YWHAE: variants seen among roughly 807,000 people sequenced by gnomAD.
YWHAE encodes tyrosine 3-monooxygenase/tryptophan 5-monooxygenase activation protein epsilon, also known as 14-3-3 protein epsilon.
YWHAE carries 4 observed loss-of-function variants against 30.1 expected under a neutral mutation model. The observed-to-expected ratio is 0.13, with a 90% CI of 0.07 to 0.30. The LOEUF (loss-of-function observed/expected upper bound fraction) is 0.30. Among genes scored for constraint, YWHAE ranks in the 10% least tolerant of loss-of-function variants. The pLI, the probability that YWHAE is intolerant of heterozygous loss-of-function variation, is 1.00. For missense variants in YWHAE, 121 were observed against 315.9 expected (o/e 0.38, Z 4.68); for synonymous variants, 118 against 111.8 (o/e 1.06, Z -0.35).
Position 1,345,290 on chromosome 17 carries a change from A to AAAC in YWHAE, c.*156_*157insGTT. 1 of 200,750 alleles carries AAAC rather than the reference A, an allele frequency of 5.0e-6. No individual in the cohort carries two copies. The highest frequency in any genetic ancestry group is 7.1e-5 in the South Asian group (1 of 14,076). The allele number at this position is 200,750 out of a possible 1,614,324, so 12.4% of individuals were successfully genotyped here. On this transcript the variant is annotated 3_prime_UTR_variant, in exon 6 of 6. Coordinates refer to ENST00000264335, the MANE Select transcript of YWHAE (RefSeq NM_006761.5). ...CTTTAAGAACTTTTGAAAACTGTTT[A>AAAC]AAAAAAAAAAAAAAAAACCAACAGG...
At chr17:1,394,787 T>G (rs935244154) in intron 1 of YWHAE, among the ~76,000 whole-genome samples, 12 of 150,528 alleles carry the variant, frequency 8.0e-5, no homozygotes, top group Non-Finnish European at 1.6e-4. Context: ...GCAAACATGG[T>G]GAAACCCCAT....
At chr17:1,356,441 G>C (rs1429587866) in intron 4 of YWHAE, among the ~76,000 whole-genome samples, 1 of 152,172 alleles carries the variant, frequency 6.6e-6, no homozygotes, top group African/African-American at 2.4e-5. Flanking sequence ...TAAAGGGAAA[G>C]TCAAATTTGA....
chr17:1,369,631 C>T (rs1177295983), intron 1 of YWHAE: 1 of 152,146 alleles, frequency 6.6e-6, no homozygotes, highest in East Asian at 1.9e-4. Flanking sequence ...TGTACCCGAA[C>T]CCCAGCCCGG....
At chr17:1,355,372 G>A (rs2072723887) in intron 4 of YWHAE, among the ~76,000 whole-genome samples, 1 of 151,322 alleles carries the variant, frequency 6.6e-6, no homozygotes. Context: ...TGTTAGCCAG[G>A]ATGGTCTTGA....
chr17:1,379,855 G>A (rs2073178066), intron 1 of YWHAE, among the ~76,000 whole-genome samples: 2 of 152,178 alleles, frequency 1.3e-5, no homozygotes, highest in African/African-American at 4.8e-5. Context: ...TGGTTGACAT[G>A]TAAATTATAC....
chr17:1,355,147 A>AAAAAAAAAAAAAAAAAT, intron 4 of YWHAE, among the ~76,000 whole-genome samples: 1 of 108,404 alleles, frequency 9.2e-6, no homozygotes, highest in Non-Finnish European at 1.8e-5. Context: ...AAAAAAAAAA[A>AAAAAAAAAAAAAAAAAT]ATTTTTTTTT....
intron 4 of YWHAE, among the ~76,000 whole-genome samples, chr17:1,355,944 G>A (rs527343286): frequency 3.3e-5 from 5 of 152,078 alleles, no homozygotes; most frequent in East Asian, 1.9e-4. Flanking sequence ...AGAAGCGGGC[G>A]GATCACGTGG....
rs11266764 is a variant in YWHAE, at chr17:1,364,991, G to A, written c.132C>T (p.Leu44=). Reference sequence around the variant, plus strand: ...TCACATTCTTATATGCAACAGATAGGAGGTTTCTTTCTTCAACTGTCAGCT... The same window carrying A: ...TCACATTCTTATATGCAACAGATAGAAGGTTTCTTTCTTCAACTGTCAGCT... ...DVELTVEERN[L]LSVAYKNVIG... The change falls in exon 2 of 6, where the codon CTC becomes CTT. Residue 44 remains leucine, a synonymous_variant. Transcript: ENST00000264335. 4.3e-6 allele frequency: 7 copies of A among 1,613,998 alleles called. No homozygotes were observed. The African/African-American group carries it at 6.7e-5, about 15-fold the overall frequency.
chr17:1,357,366 G>A (rs2072767123), intron 4 of YWHAE, among the ~76,000 whole-genome samples: 1 of 140,498 alleles, frequency 7.1e-6, no homozygotes, highest in Admixed American at 7.5e-5. Context: ...TCGCGCTACT[G>A]CACTCCAGCC....
intron 5 of YWHAE, among the ~76,000 whole-genome samples, chr17:1,345,966 A>T (rs747974616): frequency 2.6e-5 from 4 of 152,228 alleles, no homozygotes; most frequent in Non-Finnish European, 4.4e-5. Flanking sequence ...ACTGTTGCCA[A>T]GAAGTTCTAT....
At chr17:1,349,586 T>G (rs1049523695) in intron 5 of YWHAE, among the ~76,000 whole-genome samples, 1 of 151,828 alleles carries the variant, frequency 6.6e-6, no homozygotes, top group Non-Finnish European at 1.5e-5. Flanking sequence ...ACAGACTCAA[T>G]AAGGAATTGA....
intron 4 of YWHAE, among the ~76,000 whole-genome samples, chr17:1,354,750 C>T (rs193038198): frequency 2.0e-5 from 3 of 152,002 alleles, no homozygotes; most frequent in Admixed American, 2.0e-4. Context: ...GCAAGCTTCG[C>T]CTCTCAGGTT....
At chr17:1,388,175 C>T (rs2073335983) in intron 1 of YWHAE, among the ~76,000 whole-genome samples, 1 of 117,228 alleles carries the variant, frequency 8.5e-6, no homozygotes, top group Admixed American at 1.1e-4. Flanking sequence ...GTTGGTCAGG[C>T]TTGTCTCGAA....
At chr17:1,379,734 TGAAG>T (rs1567976665) in intron 1 of YWHAE, among the ~76,000 whole-genome samples, 1 of 152,176 alleles carries the variant, frequency 6.6e-6, no homozygotes, top group Non-Finnish European at 1.5e-5. Context: ...CGATGAGTTA[TGAAG>T]GAAGGAGTAC....
At chr17:1,384,502 T>G (rs186303889) in intron 1 of YWHAE, among the ~76,000 whole-genome samples, 1 of 145,674 alleles carries the variant, frequency 6.9e-6, no homozygotes, top group Non-Finnish European at 1.5e-5. Flanking sequence ...CCATCCTGGC[T>G]AACACGGTGA....
intron 1 of YWHAE, among the ~76,000 whole-genome samples, chr17:1,390,407 G>A (rs1429739398): frequency 6.6e-6 from 1 of 152,052 alleles, no homozygotes; most frequent in Non-Finnish European, 1.5e-5. Context: ...CACTTGCTAA[G>A]AATAACTCAA....
intron 1 of YWHAE, among the ~76,000 whole-genome samples, chr17:1,393,277 C>A (rs954392840): frequency 6.6e-6 from 1 of 150,530 alleles, no homozygotes; most frequent in African/African-American, 2.4e-5. Context: ...GCCAAGATCG[C>A]ACCACTGCAC....
chr17:1,370,326 T>C (rs1047017041), intron 1 of YWHAE, among the ~76,000 whole-genome samples: 1 of 151,310 alleles, frequency 6.6e-6, no homozygotes, highest in Admixed American at 6.6e-5. Context: ...AGAGGCGGGG[T>C]TTCACCATGT....
chr17:1,395,387 A>G (rs2073453291), intron 1 of YWHAE, among the ~76,000 whole-genome samples: 2 of 150,726 alleles, frequency 1.3e-5, no homozygotes, highest in Non-Finnish European at 3.0e-5. Context: ...AAATTAGCCG[A>G]GTGTGGTGGC....
Sources: gnomAD v4.1 joint callset for allele counts (sites outside exome capture counted in the v4.1 genomes callset) on GRCh38, gnomAD v4.1.1 for gene constraint, MANE v1.5 for transcripts, NCBI Gene and HGNC (gene_info 2026-07-23, HGNC 2026-07-21) for gene names.